Variants in SGSM2 observed in about 807,000 individuals in gnomAD.
The protein encoded by SGSM2 is RUN and TBC1 domain containing 1.
In SGSM2, 89 loss-of-function variants were observed where a neutral mutation model predicts 126.6. That is an observed-to-expected ratio of 0.70 (90% CI 0.59 to 0.84). The LOEUF (loss-of-function observed/expected upper bound fraction) is 0.84. Among genes scored for constraint, SGSM2 ranks in the 40% least tolerant of loss-of-function variants. SGSM2 has a pLI of 0.00. For missense variants in SGSM2, 1,404 were observed against 1,416.6 expected, an observed-to-expected ratio of 0.99 and a Z score of 0.14; for synonymous variants, 614 against 574.3, an observed-to-expected ratio of 1.07 and a Z score of -0.99.
rs918171030 is a variant in SGSM2 at position 2,353,057 on chromosome 17, G to A, written c.134-8580G>A. Among the ~76,000 whole-genome samples the A allele has an allele frequency of 9.4e-4, 142 of 151,864 alleles. 1 individual carries two copies. Among genetic ancestry groups the A allele is most frequent in the Non-Finnish European group, 1.8e-3 (119 of 67,994 alleles). On this transcript the variant is annotated intron_variant, in intron 2 of 23. Coordinates refer to ENST00000268989, the MANE Select transcript of SGSM2 (RefSeq NM_014853.3). ...CTCCCAAAGTGCTGGGATTACAGGC[G>A]TGAGCCACCGCGCCCGGCCCACTGC...
In SGSM2 at chr17:2,364,164, GA is replaced by G. The variant is rs1371781109; in HGVS notation, c.914del (p.Asp305AlafsTer38). 1.2e-6 allele frequency: 2 copies of G among 1,613,798 alleles called. No homozygotes were observed. The highest frequency in any genetic ancestry group is 1.7e-6 in the Non-Finnish European group (2 of 1,180,028). ...CCAGCTCATGAATGGGACTCTGGGG[GA>G]CTCCGAGCTGGAAAAGAGGTGGGGG... Reference protein sequence around the residue: ...PNQLMNGTLGDSELEKSVYWD... With the variant: ...PNQLMNGTLGXSELEKSVYWD... On this transcript the variant is annotated frameshift_variant, in exon 8 of 24. Coordinates refer to ENST00000268989, the MANE Select transcript of SGSM2 (RefSeq NM_014853.3). LOFTEE classifies it high-confidence loss of function.
In SGSM2 at chr17:2,372,549, C is replaced by T. The variant is rs2065923673; in HGVS notation, c.1788+61C>T. The T allele has an allele frequency of 6.4e-7, 1 of 1,572,074 alleles. No homozygotes were observed. On this transcript the variant is annotated intron_variant, in intron 15 of 23. Coordinates refer to ENST00000268989, the MANE Select transcript of SGSM2 (RefSeq NM_014853.3). This position sits in a 1 kb window ranked among gnomAD's most constrained non-coding sequence, Gnocchi z 6.0. ...GGGCTGGGGCGGGCAGGAGTGAGGG[C>T]TTCAGGGTAAAATGTGCCAGTGGGT...
intron 1 of SGSM2, among the ~76,000 whole-genome samples, chr17:2,340,768 T>TA (rs2064323376): frequency 6.6e-6 from 1 of 151,888 alleles, no homozygotes; most frequent in African/African-American, 2.4e-5. Context: ...GTATTTTTAG[T>TA]AGAGACGGGG....
intron 2 of SGSM2, among the ~76,000 whole-genome samples, chr17:2,349,406 T>A (rs954930905): frequency 3.3e-5 from 5 of 151,546 alleles, no homozygotes; most frequent in Admixed American, 1.3e-4. Flanking sequence ...ACCTTTCCTA[T>A]AAAGCCTCCT....
Position 2,379,626 on chromosome 17 carries a change from G to C in SGSM2, c.*106G>C, listed in dbSNP as rs191232613. On this transcript the variant is annotated 3_prime_UTR_variant, in exon 24 of 24. Transcript: ENST00000268989. ...CCAGCCACCAACCGACCCCACCTCT[G>C]TTCCTAACAAAGCGGTTGTGAGCCT... The C allele has an allele frequency of 5.3e-6, 8 of 1,503,824 alleles. No homozygotes were observed. The highest frequency in any genetic ancestry group is 4.8e-5 in the East Asian group (2 of 41,420). The allele number at this position is 1,503,824 out of a possible 1,614,324, so 93.2% of individuals were successfully genotyped here. A position where few individuals can be genotyped will look rare whatever the true frequency, so the allele number is the denominator to read the frequency against.
In SGSM2 at chr17:2,362,244, C is replaced by T. The variant is rs774628002; in HGVS notation, c.432C>T (p.Val144=). ...TCATCGAGAAAGTTCTGGACAAGGTCGTGCAATACCTGGCGGAAAACTGCA... is the reference window on the plus strand; with the variant it reads ...TCATCGAGAAAGTTCTGGACAAGGTTGTGCAATACCTGGCGGAAAACTGCA... ...TALIEKVLDK[V]VQYLAENCSK... is the part of the protein sequence containing the mutation. The change falls in exon 4 of 24, where the codon GTC becomes GTT. Residue 144 remains valine (V), a synonymous_variant. Transcript: ENST00000268989. The surrounding 1 kb of genome is among the most constrained non-coding windows in gnomAD (Gnocchi z 4.9). The T allele has an allele frequency of 6.8e-6, 11 of 1,612,462 alleles. No homozygotes were observed. Among genetic ancestry groups the T allele is most frequent in the South Asian group, 4.4e-5 (4 of 91,048 alleles).
At chr17:2,339,995 A>G (rs1213190764) in intron 1 of SGSM2, among the ~76,000 whole-genome samples, 2 of 152,246 alleles carry the variant, frequency 1.3e-5, no homozygotes, top group East Asian at 1.9e-4. Flanking sequence ...GAAGCAGTCT[A>G]GTGACAGAGA....
chr17:2,375,638 C>G lies in SGSM2; in HGVS notation c.2247C>G (p.Asp749Glu). 6.2e-7 allele frequency: 1 copy of G among 1,614,018 alleles called. No homozygotes were observed. The highest frequency in any genetic ancestry group is 8.5e-7 in the Non-Finnish European group (1 of 1,180,006). ...ATTCCGTGGAGTTCGACTCTCCAGA[C>G]TCAGGACTGCCCTCCTCTCGCAATT... ...QQHSVEFDSP[D>E]SGLPSSRNYS... The change falls in exon 18 of 24, where the codon GAC becomes GAG. Residue 749 changes from aspartate to glutamate, a missense_variant. Coordinates refer to ENST00000268989, the MANE Select transcript of SGSM2 (RefSeq NM_014853.3).
rs144506785 is a variant in SGSM2, at chr17:2,376,138, T to C, written c.2486T>C (p.Ile829Thr). 5.5e-5 allele frequency: 88 copies of C among 1,613,936 alleles called. No homozygotes were observed. In the African/African-American group the frequency reaches 6.9e-4, roughly 13 times the overall value. The part of the protein sequence containing the change: ...LAAVCAAAYT[I>T]ELLDTVALNL... The stretch of plus-strand genomic sequence containing the variant: ...CCTGAGGGCCCTCCACTCTTCCAGA[T>C]AGAATTACTGGACACTGTGGCCTTA... Residue 829 changes from isoleucine (I) to threonine (T), a missense_variant and splice_region_variant, in exon 19 of 24, where the codon ATA becomes ACA. By Grantham distance (89) the Ile-to-Thr change is moderately conservative (BLOSUM62 -1). Transcript: ENST00000268989.
At position 2,379,690 on chromosome 17, in the gene SGSM2, TCAGGG is replaced by T; in HGVS notation, c.*171_*175del. The T allele has an allele frequency of 7.0e-7, 1 of 1,425,888 alleles. No individual in the cohort carries two copies. Among genetic ancestry groups the T allele is most frequent in the Non-Finnish European group, 9.2e-7 (1 of 1,088,728 alleles). 88.3% of individuals were successfully genotyped at this position (1,425,888 alleles called of 1,614,324 possible). A position where few individuals can be genotyped will look rare whatever the true frequency, so the allele number is the denominator to read the frequency against. On this transcript the variant is annotated 3_prime_UTR_variant, in exon 24 of 24. Coordinates refer to ENST00000268989, the MANE Select transcript of SGSM2 (RefSeq NM_014853.3). ...GGCAGTGCTGACCCTGCAGGGCAAG[TCAGGG>T]GCCAGGATGCCCTCGGATCAGGGCC... is the stretch of plus-strand genomic sequence containing the variant.
In SGSM2 at chr17:2,380,401, A is replaced by G. The variant is rs1253594930; in HGVS notation, c.*881A>G. The G allele has an allele frequency of 8.4e-7, 1 of 1,190,110 alleles. No individual in the cohort carries two copies. Among genetic ancestry groups the G allele is most frequent in the Non-Finnish European group, 1.2e-6 (1 of 833,184 alleles). 73.7% of individuals were successfully genotyped at this position (1,190,110 alleles called of 1,614,324 possible). On this transcript the variant is annotated 3_prime_UTR_variant, in exon 24 of 24. Transcript: ENST00000268989. ...ATCCGGTCACAGCCTCCCCTCAGAGACAGGCCTCAGTTCGAGGGCAGCCCA... is the reference window on the plus strand; with the variant it reads ...ATCCGGTCACAGCCTCCCCTCAGAGGCAGGCCTCAGTTCGAGGGCAGCCCA...
At chr17:2,338,445 G>A (rs1044501977) in intron 1 of SGSM2, among the ~76,000 whole-genome samples, 1 of 152,238 alleles carries the variant, frequency 6.6e-6, no homozygotes, top group Non-Finnish European at 1.5e-5. Context: ...ATTTCGGGTG[G>A]GGGGCAGTGA....
chr17:2,372,709 T>C lies in SGSM2; in HGVS notation c.1788+221T>C, dbSNP rs1234999234. ...CTGCCTCCACATCGCCCTGTGACCC[T>C]GGACAAAGCTTTGCCTCTCTCCGGG... On this transcript the variant is annotated intron_variant, in intron 15 of 23. Coordinates refer to ENST00000268989, the MANE Select transcript of SGSM2 (RefSeq NM_014853.3). The surrounding 1 kb of genome is among the most constrained non-coding windows in gnomAD (Gnocchi z 6.0). 3.7e-6 allele frequency: 3 copies of C among 806,652 alleles called. No homozygotes were observed. Among genetic ancestry groups the C allele is most frequent in the East Asian group, 2.7e-5 (1 of 36,734 alleles). The allele number at this position is 806,652 out of a possible 1,614,324, so 50.0% of individuals were successfully genotyped here.
chr17:2,360,776 C>G (rs1567819543), intron 2 of SGSM2, among the ~76,000 whole-genome samples: 1 of 152,248 alleles, frequency 6.6e-6, no homozygotes, highest in Non-Finnish European at 1.5e-5. Context: ...CTGCCCCCAA[C>G]CAGACACACC....
At position 2,371,296 on chromosome 17, in the gene SGSM2, G is replaced by A. The variant is rs1270953923; in HGVS notation, c.1458G>A (p.Gly486=). 1.9e-6 allele frequency: 3 copies of A among 1,612,068 alleles called. No individual in the cohort carries two copies. Among genetic ancestry groups the A allele is most frequent in the East Asian group, 2.2e-5 (1 of 44,848 alleles). The stretch of plus-strand genomic sequence containing the variant: ...ACATGATCGAGATGCAGGGCTTTGG[G>A]CCCAGCCTGCCAGCCTGGCACCTGG... ...AGDMIEMQGF[G]PSLPAWHLEP... The change falls in exon 13 of 24, where the codon GGG becomes GGA. Residue 486 remains glycine, a synonymous_variant. Transcript: ENST00000268989.
Position 2,367,417 on chromosome 17 carries a change from T to G in SGSM2, c.1423+12T>G. The stretch of plus-strand genomic sequence containing the variant: ...CAATCCGATGAAAGGTTCTTATCCC[T>G]CCCTCTCCCTGACCCACCTCATCCC... On this transcript the variant is annotated intron_variant, in intron 12 of 23. Coordinates refer to ENST00000268989, the MANE Select transcript of SGSM2 (RefSeq NM_014853.3). The surrounding 1 kb of genome is among the most constrained non-coding windows in gnomAD (Gnocchi z 4.0). 1 of 1,609,992 alleles carries G rather than the reference T, an allele frequency of 6.2e-7. No individual in the cohort carries two copies. Among genetic ancestry groups the G allele is most frequent in the South Asian group, 1.1e-5 (1 of 90,864 alleles).
In SGSM2 at chr17:2,363,195, C is replaced by T. The variant is rs1011956603; in HGVS notation, c.672+61C>T. The T allele has an allele frequency of 2.6e-5, 39 of 1,517,164 alleles. No homozygotes were observed. Among genetic ancestry groups the T allele is most frequent in the Middle Eastern group, 2.3e-4 (1 of 4,320 alleles). 94.0% of individuals were successfully genotyped at this position (1,517,164 alleles called of 1,614,324 possible). On this transcript the variant is annotated intron_variant, in intron 6 of 23. Transcript: ENST00000268989. The surrounding 1 kb of genome is among the most constrained non-coding windows in gnomAD (Gnocchi z 4.2). ...GGCTATGCCCATGGGCCTGTAGGGA[C>T]GGGAAACCGGCCTCTCTACGGGACA...
chr17:2,378,812 CTG>C (rs776839035), intron 22 of SGSM2, among the ~76,000 whole-genome samples: 8 of 152,202 alleles, frequency 5.3e-5, no homozygotes, highest in Non-Finnish European at 1.2e-4. Context: ...GAGCCAGGCT[CTG>C]TGTCATGGAG....
Position 2,373,511 on chromosome 17 carries a change from G to A in SGSM2, c.2098G>A (p.Asp700Asn), listed in dbSNP as rs749372415. The A allele has an allele frequency of 1.7e-5, 28 of 1,601,002 alleles. No individual in the cohort carries two copies. Among genetic ancestry groups the A allele is most frequent in the African/African-American group, 6.7e-5 (5 of 74,802 alleles). ...CCACCGAGACTCCACCATCAGCAAC[G>A]ATGTGAGCCAGACGGGACCTGGAGG... is the stretch of plus-strand genomic sequence containing the variant. ...LIHRDSTISNDVFISVDDLEP... is the reference protein window; with the variant it reads ...LIHRDSTISNNVFISVDDLEP... Residue 700 changes from aspartate (D) to asparagine (N), a missense_variant and splice_region_variant, in exon 17 of 24, where the codon GAT (aspartate) becomes AAT (asparagine). By Grantham distance (23) the Asp-to-Asn change is conservative (BLOSUM62 1). Coordinates refer to ENST00000268989, the MANE Select transcript of SGSM2 (RefSeq NM_014853.3).
Sources: gnomAD v4.1 joint callset for allele counts (sites outside exome capture counted in the v4.1 genomes callset) on GRCh38, gnomAD v4.1.1 for gene constraint, Gnocchi (gnomAD v3.1) non-coding constraint, MANE v1.5 for transcripts, NCBI Gene and HGNC (gene_info 2026-07-23, HGNC 2026-07-21) for gene names.